The following SH3RF2 variants were observed in gnomAD, a reference collection of about 807,000 sequenced individuals.
SH3RF2 encodes SH3 domain containing ring finger 2, also known as E3 ubiquitin-protein ligase SH3RF2.
In SH3RF2, 43 loss-of-function variants were observed where a neutral mutation model predicts 59.0. The ratio of observed to expected loss-of-function variants is 0.73; its 90% CI spans 0.57 to 0.94. The LOEUF (loss-of-function observed/expected upper bound fraction) is 0.94, where lower values mean the gene tolerates loss of function less well. SH3RF2 is among the 40% of genes least tolerant of loss of function. The pLI is 0.00. For missense variants in SH3RF2, 930 were observed against 940.1 expected (o/e 0.99, Z 0.14); for synonymous variants, 391 against 391.5 (o/e 1.00, Z 0.01).
rs1423367308 is a variant in SH3RF2 at position 145,938,123 on chromosome 5, C to T, written c.195C>T (p.Ala65=). 11 of 1,614,228 alleles carry T rather than the reference C, an allele frequency of 6.8e-6. No homozygotes were observed. In the East Asian group the frequency reaches 2.5e-4, roughly 36 times the overall value. ...PVFSNIEALP[A]NLLLVRLLDG... is the part of the protein sequence containing the mutation. The stretch of plus-strand genomic sequence containing the variant: ...TTTCCAACATTGAGGCGCTGCCGGC[C>T]AACCTGCTGCTCGTGCGCCTTCTGG... The change falls in exon 2 of 10, where the codon GCC becomes GCT. Residue 65 remains alanine, a synonymous_variant. Transcript: ENST00000359120.
chr5:146,004,878 C>A (rs888051319), intron 4 of SH3RF2, among the ~76,000 whole-genome samples: 2 of 152,044 alleles, frequency 1.3e-5, no homozygotes, highest in Non-Finnish European at 2.9e-5. Context: ...CTTAACACTA[C>A]TGAACTGTAC....
chr5:145,968,054 C>T (rs1245124189), intron 2 of SH3RF2, among the ~76,000 whole-genome samples: 1 of 131,556 alleles, frequency 7.6e-6, no homozygotes, highest in Non-Finnish European at 1.5e-5. Flanking sequence ...TGGATATTTG[C>T]CTATGTATAT....
rs750970877 is a variant in SH3RF2 at position 146,056,134 on chromosome 5, C to G, written c.1476C>G (p.Val492=). ...FKSVFVPTAI[V]NPVRSTAGPG... ...CCGTCTTTGTGCCCACTGCCATAGTCAACCCCGTGAGAAGCACAGCCGGCC... is the reference window on the plus strand; with the variant it reads ...CCGTCTTTGTGCCCACTGCCATAGTGAACCCCGTGAGAAGCACAGCCGGCC... The change falls in exon 8 of 10, where the codon GTC becomes GTG. Residue 492 remains valine (V), a synonymous_variant. Coordinates refer to ENST00000359120, the MANE Select transcript of SH3RF2 (RefSeq NM_152550.4). 1.9e-6 allele frequency: 3 copies of G among 1,614,212 alleles called. No homozygotes were observed. Among genetic ancestry groups the G allele is most frequent in the Non-Finnish European group, 1.7e-6 (2 of 1,180,050 alleles).
intron 4 of SH3RF2, among the ~76,000 whole-genome samples, chr5:146,008,240 G>T (rs1365620904): frequency 6.6e-6 from 1 of 152,150 alleles, no homozygotes; most frequent in Non-Finnish European, 1.5e-5. Flanking sequence ...TAAGAGACCT[G>T]CAATTCTTCC....
Position 146,000,311 on chromosome 5 carries a change from G to T in SH3RF2, c.632G>T (p.Cys211Phe), listed in dbSNP as rs1419357701. Residue 211 changes from cysteine to phenylalanine, a missense_variant, in exon 3 of 10, where the codon TGC (cysteine) becomes TTC (phenylalanine). Coordinates refer to ENST00000359120, the MANE Select transcript of SH3RF2 (RefSeq NM_152550.4). ...AAGGACAAGAGTGAGAACCAGGATT[G>T]CCTGACCTTCCTCAAGGTAGGATTC... Reference protein sequence around the residue: ...RGKDKSENQDCLTFLKDDIIT... With the variant: ...RGKDKSENQDFLTFLKDDIIT... 7.4e-6 allele frequency: 12 copies of T among 1,613,032 alleles called. No individual in the cohort carries two copies. The Admixed American group carries it at 1.2e-4, about 16-fold the overall frequency.
chr5:146,052,033 G>A (rs1444425537), intron 7 of SH3RF2, among the ~76,000 whole-genome samples: 3 of 152,262 alleles, frequency 2.0e-5, no homozygotes, highest in African/African-American at 4.8e-5. Context: ...GGAGCAAGGA[G>A]GATGCCTACC....
intron 2 of SH3RF2, among the ~76,000 whole-genome samples, chr5:145,958,438 G>A (rs1233656391): frequency 6.6e-6 from 1 of 152,188 alleles, no homozygotes; most frequent in East Asian, 1.9e-4. Context: ...CCAGGGGAAT[G>A]CATTCAAGCA....
At chr5:146,008,685 T>C (rs1043304605) in intron 4 of SH3RF2, among the ~76,000 whole-genome samples, 1 of 152,212 alleles carries the variant, frequency 6.6e-6, no homozygotes, top group Non-Finnish European at 1.5e-5. Context: ...GTTCTATAAA[T>C]TTTAATAAGT....
chr5:145,982,935 A>T (rs931610885), intron 2 of SH3RF2, among the ~76,000 whole-genome samples: 2 of 152,200 alleles, frequency 1.3e-5, no homozygotes, highest in Admixed American at 1.3e-4. Context: ...AGAATTCTAG[A>T]TCCACCAAAT....
At chr5:146,064,831 A>AGAAG (rs1763054781), downstream of SH3RF2, among the ~76,000 whole-genome samples, 1 of 13,886 alleles carries the variant, frequency 7.2e-5, no homozygotes. Context: ...AAAGAAAGAA[A>AGAAG]GAAAGAAAGA....
At chr5:146,057,555 T>C (rs922260264) in intron 8 of SH3RF2, among the ~76,000 whole-genome samples, 1 of 152,212 alleles carries the variant, frequency 6.6e-6, no homozygotes, top group Non-Finnish European at 1.5e-5. Context: ...GAAACATTAG[T>C]TTTTTATAGT....
intron 2 of SH3RF2, among the ~76,000 whole-genome samples, chr5:145,978,642 C>G (rs1398415465): frequency 7.2e-6 from 1 of 139,366 alleles, no homozygotes; most frequent in Admixed American, 7.3e-5. Context: ...TTGTTTTCTA[C>G]AATATTTAGG....
intron 7 of SH3RF2, among the ~76,000 whole-genome samples, chr5:146,054,265 A>C (rs1446906033): frequency 6.6e-6 from 1 of 152,196 alleles, no homozygotes; most frequent in Non-Finnish European, 1.5e-5. Context: ...CTGAGCTCAG[A>C]AAAATGAGGT....
chr5:146,057,984 C>CTATATATATATA (rs751628879), intron 8 of SH3RF2, among the ~76,000 whole-genome samples: 10 of 145,824 alleles, frequency 6.9e-5, no homozygotes, highest in African/African-American at 2.6e-4. Flanking sequence ...ATCTATCTAT[C>CTATATATATATA]TATATATATA....
At position 146,005,937 on chromosome 5, in the gene SH3RF2, T is replaced by A. The variant is rs11957048; in HGVS notation, c.744+1784T>A. On this transcript the variant is annotated intron_variant, in intron 4 of 9. Coordinates refer to ENST00000359120, the MANE Select transcript of SH3RF2 (RefSeq NM_152550.4). ...TCAGAGCTCCCAGGGGAAAAAAAAA[T>A]TTTTAAAGAGCAAACCATTCACTGT... Among the ~76,000 whole-genome samples the A allele has an allele frequency of 8.1e-3, 1,212 of 149,398 alleles. 15 individuals are homozygous for A. Among genetic ancestry groups the A allele is most frequent in the African/African-American group, 0.028 (1,127 of 40,512 alleles).
chr5:146,026,616 T>C (rs1482689149), intron 5 of SH3RF2, among the ~76,000 whole-genome samples: 1 of 152,206 alleles, frequency 6.6e-6, no homozygotes, highest in African/African-American at 2.4e-5. Flanking sequence ...GTTTTCTTTC[T>C]GTCTGGTGCA....
chr5:146,074,036 C>CTTTTTTTTTTTTTTTTTT (rs70998053), intron 9 of SH3RF2, among the ~76,000 whole-genome samples: 1 of 117,232 alleles, frequency 8.5e-6, no homozygotes, highest in African/African-American at 4.1e-5. Context: ...CATTAACACT[C>CTTTTTTTTTTTTTTTTTT]TTTTTTTTTT....
chr5:145,974,470 A>G (rs1259299763), intron 2 of SH3RF2, among the ~76,000 whole-genome samples: 1 of 152,226 alleles, frequency 6.6e-6, no homozygotes, highest in African/African-American at 2.4e-5. Flanking sequence ...AAGGAAAAGA[A>G]GAGAGCAAGA....
At chr5:145,955,541 C>T (rs375119155) in intron 2 of SH3RF2, among the ~76,000 whole-genome samples, 1 of 152,092 alleles carries the variant, frequency 6.6e-6, no homozygotes, top group East Asian at 1.9e-4. Context: ...TGCACATGGA[C>T]AGGAATCTAA....
Sources: allele counts gnomAD v4.1 joint callset (sites outside exome capture counted in the v4.1 genomes callset), GRCh38; gene constraint gnomAD v4.1.1; transcripts MANE v1.5; gene names NCBI Gene and HGNC (gene_info 2026-07-23, HGNC 2026-07-21).